MECOM: variants seen among roughly 807,000 people sequenced by gnomAD.
The protein encoded by MECOM is MDS1 and EVI1 complex locus.
In MECOM, 13 loss-of-function variants were observed where a neutral mutation model predicts 116.3. That is an observed-to-expected ratio of 0.11 (90% CI 0.07 to 0.18). The LOEUF is 0.18. Among genes scored for constraint, MECOM ranks in the 10% least tolerant of loss-of-function variants. The probability of loss-of-function intolerance (pLI) is 1.00; values close to 1 mark genes in which losing one functional copy is unlikely to be tolerated. For missense variants in MECOM, 1,299 were observed against 1,509.0 expected, an observed-to-expected ratio of 0.86 and a Z score of 2.31; for synonymous variants, 528 against 535.2, an observed-to-expected ratio of 0.99 and a Z score of 0.19.
chr3:169,144,136 A>T (rs967996461), intron 2 of MECOM, among the ~76,000 whole-genome samples: 2 of 152,202 alleles, frequency 1.3e-5, no homozygotes, highest in African/African-American at 4.8e-5. Flanking sequence ...TTTGCAAAAA[A>T]TAATATTGAA....
intron 1 of MECOM, among the ~76,000 whole-genome samples, chr3:169,631,616 C>T (rs1452661737): frequency 8.5e-6 from 1 of 117,406 alleles, no homozygotes; most frequent in African/African-American, 3.3e-5. Context: ...CCCCCCTCCC[C>T]CCACCCCACA....
At chr3:169,143,597 GGCCACAAGGGT>G (rs1738792205) in intron 3 of MECOM, 90 bp downstream of exon 3, 1 of 1,149,510 alleles carries the variant, frequency 8.7e-7, no homozygotes, top group African/African-American at 1.6e-5. Flanking sequence ...TCAACAAACA[GGCCACAAGGGT>G]CTACTGCAGC....
chr3:169,173,483 A>G (rs947237457), intron 2 of MECOM, among the ~76,000 whole-genome samples: 2 of 152,166 alleles, frequency 1.3e-5, no homozygotes, highest in African/African-American at 4.8e-5. Context: ...TCCCAGAGGC[A>G]TCTTAAATTC....
intron 1 of MECOM, among the ~76,000 whole-genome samples, chr3:169,635,251 C>T (rs568119954): frequency 9.8e-5 from 15 of 152,290 alleles, no homozygotes; most frequent in Non-Finnish European, 2.2e-4. Context: ...AGGACTATTG[C>T]AAAAATTAAA....
chr3:169,244,151 C>A (rs1489872673), intron 2 of MECOM, among the ~76,000 whole-genome samples: 1 of 152,226 alleles, frequency 6.6e-6, no homozygotes. Flanking sequence ...TCCCTTTCTC[C>A]TCTTAATCTC....
At chr3:169,271,105 T>C (rs1391616257) in intron 2 of MECOM, among the ~76,000 whole-genome samples, 1 of 152,172 alleles carries the variant, frequency 6.6e-6, no homozygotes, top group Non-Finnish European at 1.5e-5. Flanking sequence ...ATGGTATAAC[T>C]ATCTCCCAAA....
At chr3:169,472,501 AGG>A (rs1749473893) in intron 1 of MECOM, among the ~76,000 whole-genome samples, 1 of 89,532 alleles carries the variant, frequency 1.1e-5, no homozygotes, top group Non-Finnish European at 2.2e-5. Flanking sequence ...AGGAAAGGAA[AGG>A]AAAGGAAAGG....
intron 1 of MECOM, among the ~76,000 whole-genome samples, chr3:169,552,016 A>G (rs1761460008): frequency 6.6e-6 from 1 of 152,008 alleles, no homozygotes; most frequent in Non-Finnish European, 1.5e-5. Flanking sequence ...ATCCACTGGG[A>G]CAGAAAGTAG....
chr3:169,248,540 A>G (rs750348712), intron 2 of MECOM, among the ~76,000 whole-genome samples: 4 of 152,156 alleles, frequency 2.6e-5, no homozygotes, highest in African/African-American at 7.2e-5. Flanking sequence ...ACATCTCTCT[A>G]TTCATCTCTT....
intron 1 of MECOM, among the ~76,000 whole-genome samples, chr3:169,605,287 T>C (rs1342564896): frequency 6.6e-6 from 1 of 152,222 alleles, no homozygotes; most frequent in Non-Finnish European, 1.5e-5. Context: ...CACTTTCAGC[T>C]ATTTCATGGT....
At chr3:169,497,802 T>C (rs1018129087) in intron 1 of MECOM, among the ~76,000 whole-genome samples, 13 of 152,236 alleles carry the variant, frequency 8.5e-5, no homozygotes, top group Non-Finnish European at 2.9e-5. Flanking sequence ...ATAAAGTCAA[T>C]GTGTTTGTTG....
intron 2 of MECOM, among the ~76,000 whole-genome samples, chr3:169,319,438 G>T (rs911680447): frequency 6.6e-6 from 1 of 152,112 alleles, no homozygotes; most frequent in African/African-American, 2.4e-5. Flanking sequence ...GTGGGGGGTA[G>T]GGGAGGGATA....
chr3:169,132,120 T>G (rs1187407387), intron 3 of MECOM, among the ~76,000 whole-genome samples: 1 of 152,246 alleles, frequency 6.6e-6, no homozygotes, highest in Non-Finnish European at 1.5e-5. Context: ...GGTCCTGCCC[T>G]CAGGCCCAGC....
intron 1 of MECOM, among the ~76,000 whole-genome samples, chr3:169,443,056 A>T (rs1744003918): frequency 6.6e-6 from 1 of 152,118 alleles, no homozygotes; most frequent in Non-Finnish European, 1.5e-5. Flanking sequence ...CAAAAAAAAA[A>T]TTCACAATGA....
intron 5 of MECOM, among the ~76,000 whole-genome samples, chr3:169,123,551 A>G (rs1330356607): frequency 1.3e-5 from 2 of 152,082 alleles, no homozygotes; most frequent in African/African-American, 4.8e-5. Context: ...GAATATAATG[A>G]AAAGCAAATA....
chr3:169,104,083 T>C (rs1724516854), intron 10 of MECOM, among the ~76,000 whole-genome samples: 1 of 152,194 alleles, frequency 6.6e-6, no homozygotes. Flanking sequence ...GTAAGGGCTA[T>C]AAGCTCAGGG....
intron 2 of MECOM, chr3:169,147,798 G>A (rs1168125407): frequency 2.1e-6 from 2 of 948,982 alleles, no homozygotes; most frequent in Non-Finnish European, 2.5e-6. Flanking sequence ...GGGAGGGATG[G>A]GGAAGGGTAG....
At chr3:169,555,196 C>A (rs1761881095) in intron 1 of MECOM, among the ~76,000 whole-genome samples, 1 of 152,208 alleles carries the variant, frequency 6.6e-6, no homozygotes, top group South Asian at 2.1e-4. Context: ...TTTGTTCCTT[C>A]CTTCCTTCAT....
At chr3:169,655,501 T>C (rs1775434391) in intron 1 of MECOM, among the ~76,000 whole-genome samples, 1 of 152,198 alleles carries the variant, frequency 6.6e-6, no homozygotes, top group Non-Finnish European at 1.5e-5. Context: ...TGTGTGGCTA[T>C]ACAATGCCAA....
Sources: gnomAD v4.1 joint callset for allele counts (sites outside exome capture counted in the v4.1 genomes callset) on GRCh38, gnomAD v4.1.1 for gene constraint, MANE v1.5 for transcripts, NCBI Gene and HGNC (gene_info 2026-07-23, HGNC 2026-07-21) for gene names.